Variants in MESD observed in about 807,000 individuals in gnomAD.
MESD encodes the protein mesoderm development LRP chaperone.
In MESD, 7 loss-of-function variants were observed where a neutral mutation model predicts 12.9. The ratio of observed to expected loss-of-function variants is 0.54; its 90% CI spans 0.31 to 1.02. MESD has a LOEUF of 1.02. MESD is among the 50% of genes least tolerant of loss of function. The pLI is 0.05. For missense variants in MESD, 342 were observed against 296.7 expected, an observed-to-expected ratio of 1.15 and a Z score of -1.12; for synonymous variants, 126 against 115.6, an observed-to-expected ratio of 1.09 and a Z score of -0.58.
At chr15:80,962,759 G>A (rs541157131) in intron 3 of MESD, among the ~76,000 whole-genome samples, 1 of 152,160 alleles carries the variant, frequency 6.6e-6, no homozygotes, top group Non-Finnish European at 1.5e-5. Flanking sequence ...TGAAATGAAG[G>A]CAGAAATAAA....
rs546177596 is a variant in MESD at position 80,955,439 on chromosome 15, G to A, written c.*289-3143C>T. ...CAGGAGGCGGAGCTTGCAGTGAGCC[G>A]AGATTGCGCCACTGCACTCCAGCCT... On this transcript the variant is annotated intron_variant, in intron 3 of 4. Coordinates refer to the MESD transcript ENST00000561312. Among the ~76,000 whole-genome samples, 29 of 140,078 alleles carry A rather than the reference G, an allele frequency of 2.1e-4. No individual in the cohort carries two copies. In the East Asian group the frequency reaches 4.9e-3, roughly 24 times the overall value. 91.9% of individuals were successfully genotyped at this position (140,078 alleles called of 152,430 possible).
Position 80,986,065 on chromosome 15 carries a change from A to G in MESD, c.213+3514T>C, listed in dbSNP as rs563530894. ...AAAAAAAAAAGCAGCTTTAATTTCCATTGTATATGTGTGTGTGTGTTTCAG... is the reference window on the plus strand; with the variant it reads ...AAAAAAAAAAGCAGCTTTAATTTCCGTTGTATATGTGTGTGTGTGTTTCAG... On this transcript the variant is annotated intron_variant, in intron 1 of 2. Transcript: ENST00000261758. Among the ~76,000 whole-genome samples the G allele has an allele frequency of 3.9e-5, 6 of 152,256 alleles. No individual in the cohort carries two copies. In the East Asian group the frequency reaches 5.8e-4, roughly 15 times the overall value.
chr15:80,981,416 A>G (rs867154958), intron 2 of MESD, among the ~76,000 whole-genome samples: 30 of 148,190 alleles, frequency 2.0e-4, no homozygotes, highest in African/African-American at 6.8e-4. Flanking sequence ...CAGCCTGGGC[A>G]ACACAGTGAG....
chr15:80,952,199 G>A (rs755841069), exon 4 of MESD: 6 of 456,236 alleles, frequency 1.3e-5, no homozygotes, highest in South Asian at 9.3e-5. Flanking sequence ...AAGAGCATGG[G>A]GGCTGAGGTG....
In MESD at chr15:80,989,587, G is replaced by T. The variant is rs756675505; in HGVS notation, c.205C>A (p.Gln69Lys). ...GTGCGCGCGCCGCGGACCTCCCATT[G>T]CTCCAGAAGACGCGCCATGTCTGCA... The part of the protein sequence containing the change: ...NDADMARLLE[Q>K]WEKDDDIEEG... Residue 69 changes from glutamine to lysine, a missense_variant, in exon 1 of 3, where the codon CAA becomes AAA. Gln to Lys is a moderately conservative substitution (Grantham distance 53). Transcript: ENST00000261758. 2 of 1,613,056 alleles carry T rather than the reference G, an allele frequency of 1.2e-6. No homozygotes were observed. The highest frequency in any genetic ancestry group is 2.7e-5 in the African/African-American group (2 of 74,924).
chr15:80,960,686 T>C (rs866477117), intron 3 of MESD, among the ~76,000 whole-genome samples: 5 of 152,200 alleles, frequency 3.3e-5, no homozygotes, highest in Admixed American at 2.0e-4. Flanking sequence ...TATGCCTACA[T>C]AAAATTATTG....
intron 2 of MESD, among the ~76,000 whole-genome samples, chr15:80,981,545 T>G (rs1238352181): frequency 6.6e-6 from 1 of 151,324 alleles, no homozygotes; most frequent in Non-Finnish European, 1.5e-5. Context: ...GACACCCTGT[T>G]AAGAGCCTCA....
At chr15:80,971,313 T>A (rs1470949987), downstream of MESD, among the ~76,000 whole-genome samples, 2 of 152,160 alleles carry the variant, frequency 1.3e-5, no homozygotes, top group African/African-American at 2.4e-5. Context: ...TAATTTCTAT[T>A]TTCAGTCAAG....
chr15:80,953,355 C>A (rs1201989122), intron 3 of MESD, among the ~76,000 whole-genome samples: 1 of 152,154 alleles, frequency 6.6e-6, no homozygotes, highest in African/African-American at 2.4e-5. Flanking sequence ...AACGAGGAAC[C>A]GTCGAGCAAT....
intron 1 of MESD, among the ~76,000 whole-genome samples, chr15:80,985,519 C>T (rs149861648): frequency 8.0e-4 from 121 of 151,952 alleles, no homozygotes; most frequent in African/African-American, 2.7e-3. Context: ...TCCATAACAT[C>T]GGTTATAGTC....
exon 4 of MESD, chr15:80,952,186 G>C (rs1309799068): frequency 2.2e-6 from 1 of 456,270 alleles, no homozygotes; most frequent in Non-Finnish European, 4.4e-6. Context: ...AAACACGTTT[G>C]ACAAGAGCAT....
Position 80,989,560 on chromosome 15 carries a change from G to C in MESD, c.213+19C>G. On this transcript the variant is annotated intron_variant, in intron 1 of 2. Coordinates refer to ENST00000261758, the MANE Select transcript of MESD (RefSeq NM_015154.3). ...TCCCGCACAGAGAAGAGCCGGGAGG[G>C]TGTGCGCGCGCCGCGGACCTCCCAT... The C allele has an allele frequency of 6.2e-7, 1 of 1,609,856 alleles. No individual in the cohort carries two copies. The highest frequency in any genetic ancestry group is 1.1e-5 in the South Asian group (1 of 90,820).
chr15:80,987,310 C>A (rs1305058542), intron 1 of MESD, among the ~76,000 whole-genome samples: 1 of 152,282 alleles, frequency 6.6e-6, no homozygotes, highest in Non-Finnish European at 1.5e-5. Flanking sequence ...GAGATGGATA[C>A]GCTCTCCCAC....
At chr15:80,951,479 C>T (rs1901824194) in intron 4 of MESD, 1 of 152,622 alleles carries the variant, frequency 6.6e-6, no homozygotes, top group African/African-American at 2.4e-5. Context: ...CTCTGAAATG[C>T]TTGTCTTTTT....
At position 80,952,130 on chromosome 15, in the gene MESD, G is replaced by C. The variant is rs775532046; in HGVS notation, c.*455C>G. On this transcript the variant is annotated 3_prime_UTR_variant, in exon 4 of 5. Transcript: ENST00000561312. ...CCCTCCCCGATGGGGAAGCCAGGCA[G>C]AAGCAGGACTCTCTTTTCCTCCCAG... 1.3e-5 allele frequency: 6 copies of C among 453,846 alleles called. No homozygotes were observed. The East Asian group carries it at 4.2e-4, about 32-fold the overall frequency. The allele number at this position is 453,846 out of a possible 1,614,324, so 28.1% of individuals were successfully genotyped here. A position where few individuals can be genotyped will look rare whatever the true frequency, so the allele number is the denominator to read the frequency against.
chr15:80,984,118 C>G (rs1216049846), intron 1 of MESD, among the ~76,000 whole-genome samples: 1 of 152,024 alleles, frequency 6.6e-6, no homozygotes, highest in Non-Finnish European at 1.5e-5. Flanking sequence ...CCAGGATGGT[C>G]TCGATCTCCT....
chr15:80,970,778 C>G (rs1372644448), downstream of MESD: 2 of 152,122 alleles, frequency 1.3e-5, no homozygotes, highest in Non-Finnish European at 2.9e-5. Flanking sequence ...ATTCTGAATA[C>G]AGCATGCACA....
intron 3 of MESD, among the ~76,000 whole-genome samples, chr15:80,957,197 T>G (rs1337747812): frequency 6.6e-6 from 1 of 151,860 alleles, no homozygotes; most frequent in Non-Finnish European, 1.5e-5. Context: ...ATTATAGGTT[T>G]AAGAAGGAAA....
chr15:80,966,296 T>TTC (rs1902174023), intron 3 of MESD, among the ~76,000 whole-genome samples: 1 of 152,208 alleles, frequency 6.6e-6, no homozygotes, highest in Admixed American at 6.5e-5. Flanking sequence ...TAGCATTATT[T>TTC]ATAATGACTT....
Sources: gnomAD v4.1 joint callset for allele counts (sites outside exome capture counted in the v4.1 genomes callset) on GRCh38, gnomAD v4.1.1 for gene constraint, MANE v1.5 for transcripts, NCBI Gene and HGNC (gene_info 2026-07-23, HGNC 2026-07-21) for gene names.